SYCP1: variants seen among roughly 807,000 people sequenced by gnomAD.
SYCP1 encodes the protein synaptonemal complex protein 1.
SYCP1 carries 64 observed loss-of-function variants against 153.1 expected under a neutral mutation model. The ratio of observed to expected loss-of-function variants is 0.42; its 90% confidence interval spans 0.34 to 0.51. SYCP1 has a LOEUF of 0.51. SYCP1 is among the 20% of genes least tolerant of loss of function. SYCP1 has a pLI of 0.06. For missense variants in SYCP1, 997 were observed against 1,049.0 expected (o/e 0.95, Z 0.68); for synonymous variants, 384 against 341.8 (o/e 1.12, Z -1.36).
chr1:114,966,260 GTCTA>G (rs1672119823), intron 27 of SYCP1, among the ~76,000 whole-genome samples: 2 of 151,878 alleles, frequency 1.3e-5, no homozygotes, highest in Admixed American at 1.3e-4. Flanking sequence ...CTGGCTAGCA[GTCTA>G]TCTATTTTGT....
intron 25 of SYCP1, among the ~76,000 whole-genome samples, 179 bp downstream of exon 25, chr1:114,945,161 A>C (rs564312321): frequency 6.6e-6 from 1 of 151,960 alleles, no homozygotes; most frequent in Admixed American, 6.6e-5. Flanking sequence ...TCTTAACCAT[A>C]CAAAGTTGAG....
intron 24 of SYCP1, 116 bp downstream of exon 24, chr1:114,944,571 T>C (rs185039882): frequency 6.5e-5 from 44 of 676,588 alleles, no homozygotes; most frequent in Non-Finnish European, 9.1e-5. Flanking sequence ...TAGAAAAGGG[T>C]TAGTAAATTT....
intron 27 of SYCP1, among the ~76,000 whole-genome samples, chr1:114,947,811 C>CCA (rs1413794208): frequency 1.6e-4 from 7 of 43,876 alleles, no homozygotes; most frequent in African/African-American, 6.7e-4. Flanking sequence ...GACTCCGTCT[C>CCA]AAAAAAAAAA....
chr1:114,870,013 AT>A (rs1665010773), intron 8 of SYCP1, among the ~76,000 whole-genome samples: 1 of 151,918 alleles, frequency 6.6e-6, no homozygotes, highest in Non-Finnish European at 1.5e-5. Flanking sequence ...TTTTATTTTT[AT>A]TTATTTATTT....
chr1:114,948,259 A>C (rs1382990548), intron 27 of SYCP1, among the ~76,000 whole-genome samples: 2 of 152,152 alleles, frequency 1.3e-5, no homozygotes, highest in Non-Finnish European at 2.9e-5. Flanking sequence ...TGAGATGGGA[A>C]CTGTGTTTAG....
chr1:114,988,820 A>C (rs1673712958), intron 30 of SYCP1, among the ~76,000 whole-genome samples: 1 of 152,018 alleles, frequency 6.6e-6, no homozygotes, highest in Non-Finnish European at 1.5e-5. Flanking sequence ...TTTAAAGACA[A>C]ATGCATATAA....
chr1:114,871,429 A>AAGTGCTGAG (rs1356160134), intron 8 of SYCP1, among the ~76,000 whole-genome samples: 1 of 151,842 alleles, frequency 6.6e-6, no homozygotes, highest in African/African-American at 2.4e-5. Context: ...CCACCTCCCA[A>AAGTGCTGAG]AGTGCTGAGA....
At chr1:114,874,258 T>C (rs1487969272) in intron 8 of SYCP1, among the ~76,000 whole-genome samples, 1 of 152,170 alleles carries the variant, frequency 6.6e-6, no homozygotes, top group African/African-American at 2.4e-5. Context: ...AGTTATTAAT[T>C]TTTTAGTTTG....
At chr1:114,913,602 T>C (rs151092857) in intron 19 of SYCP1, among the ~76,000 whole-genome samples, 15 of 152,200 alleles carry the variant, frequency 9.9e-5, no homozygotes, top group African/African-American at 3.6e-4. Flanking sequence ...ACTTCTGCTT[T>C]GGATAAAGAG....
chr1:114,886,899 C>G (rs905084857), intron 14 of SYCP1, among the ~76,000 whole-genome samples: 17 of 151,202 alleles, frequency 1.1e-4, no homozygotes, highest in African/African-American at 2.9e-4. Context: ...GTGTTAAAGA[C>G]TCTATTTTTT....
chr1:114,937,164 C>G (rs1428302248), intron 23 of SYCP1, among the ~76,000 whole-genome samples: 1 of 152,150 alleles, frequency 6.6e-6, no homozygotes, highest in Non-Finnish European at 1.5e-5. Context: ...GCTACAGTAA[C>G]CAAAACAGCA....
chr1:114,941,528 G>T (rs1670388250), intron 23 of SYCP1, among the ~76,000 whole-genome samples: 1 of 151,846 alleles, frequency 6.6e-6, no homozygotes, highest in South Asian at 2.1e-4. Flanking sequence ...GACAATCTTT[G>T]TCTCTTTTAC....
intron 23 of SYCP1, among the ~76,000 whole-genome samples, chr1:114,929,758 T>A (rs1669507679): frequency 6.6e-6 from 1 of 152,056 alleles, no homozygotes; most frequent in African/African-American, 2.4e-5. Context: ...GAAAATACTA[T>A]ACTCATAATA....
At position 114,939,086 on chromosome 1, in the gene SYCP1, T is replaced by C. The variant is rs374022590; in HGVS notation, c.1927-5253T>C. ...ATACCTAAAAGAATTGAAAGCATAG[T>C]CTCAAAGAGATATATGTTCACCTAT... On this transcript the variant is annotated intron_variant, in intron 23 of 31. Transcript: ENST00000369522. 1.4e-4 allele frequency among the ~76,000 whole-genome samples: 21 copies of C among 152,242 alleles called. 1 individual carries two copies. The East Asian group carries it at 2.9e-3, about 21-fold the overall frequency.
intron 27 of SYCP1, among the ~76,000 whole-genome samples, chr1:114,954,202 A>G (rs1485091898): frequency 6.6e-6 from 1 of 152,136 alleles, no homozygotes; most frequent in Non-Finnish European, 1.5e-5. Context: ...CCAACTTATC[A>G]TTTTTTTGAC....
Position 114,995,083 on chromosome 1 carries a change from T to C in SYCP1, c.*64T>C. ...GAAACTTATAGTTAATATTTTGTTC[T>C]TATTTGCCAGAGCCAAATTTTATCT... On this transcript the variant is annotated 3_prime_UTR_variant, in exon 32 of 32. Coordinates refer to ENST00000369522, the MANE Select transcript of SYCP1 (RefSeq NM_003176.4). 1 of 1,445,872 alleles carries C rather than the reference T, an allele frequency of 6.9e-7. No individual in the cohort carries two copies. Among genetic ancestry groups the C allele is most frequent in the Non-Finnish European group, 9.1e-7 (1 of 1,094,714 alleles). 89.6% of individuals were successfully genotyped at this position (1,445,872 alleles called of 1,614,324 possible).
chr1:114,958,159 A>T (rs908283078), intron 27 of SYCP1, among the ~76,000 whole-genome samples: 12 of 152,178 alleles, frequency 7.9e-5, no homozygotes, highest in Admixed American at 6.6e-5. Context: ...GAGCTGGAGG[A>T]TATTGTGTTA....
chr1:114,986,498 A>C (rs1673513994), intron 30 of SYCP1, among the ~76,000 whole-genome samples: 1 of 152,016 alleles, frequency 6.6e-6, no homozygotes, highest in Non-Finnish European at 1.5e-5. Flanking sequence ...GGAGCATCAC[A>C]AACTTGCAAC....
intron 13 of SYCP1, 88 bp from the exon 14 acceptor site, chr1:114,886,037 G>T: frequency 1.3e-6 from 1 of 794,844 alleles, no homozygotes; most frequent in Non-Finnish European, 1.9e-6. Context: ...TGGGAAAGGG[G>T]CAGTGAATGT....
Sources: allele counts gnomAD v4.1 joint callset (sites outside exome capture counted in the v4.1 genomes callset), GRCh38; gene constraint gnomAD v4.1.1; transcripts MANE v1.5; gene names NCBI Gene and HGNC (gene_info 2026-07-23, HGNC 2026-07-21).